Variants in HS3ST4 observed in about 807,000 individuals in gnomAD.
HS3ST4 encodes the protein heparan sulfate glucosamine 3-O-sulfotransferase 4.
A neutral mutation model predicts 29.2 loss-of-function variants in HS3ST4; 17 were observed. The ratio of observed to expected loss-of-function variants is 0.58; its 90% CI spans 0.40 to 0.87. HS3ST4 has a LOEUF of 0.87. Ranked by LOEUF, HS3ST4 falls within the 40% of genes least tolerant of loss-of-function variation. HS3ST4 has a pLI of 0.00. For missense variants in HS3ST4, 627 were observed against 634.5 expected, an observed-to-expected ratio of 0.99 and a Z score of 0.13; for synonymous variants, 314 against 285.7, an observed-to-expected ratio of 1.10 and a Z score of -1.00.
intron 1 of HS3ST4, among the ~76,000 whole-genome samples, chr16:25,740,981 A>G (rs1187865454): frequency 2.0e-5 from 3 of 152,124 alleles, no homozygotes. Flanking sequence ...ATAGATTTTT[A>G]GTTTCTGTCT....
intron 1 of HS3ST4, among the ~76,000 whole-genome samples, chr16:26,078,882 G>C (rs1417383046): frequency 6.6e-6 from 1 of 152,196 alleles, no homozygotes; most frequent in Non-Finnish European, 1.5e-5. Context: ...ACAGTTGAGA[G>C]CCCAAGCAAT....
At chr16:25,803,741 A>G (rs1021235890) in intron 1 of HS3ST4, among the ~76,000 whole-genome samples, 1 of 152,170 alleles carries the variant, frequency 6.6e-6, no homozygotes, top group African/African-American at 2.4e-5. Flanking sequence ...TCAAAAGGAC[A>G]TGCTTTGTTT....
At chr16:25,717,202 C>T (rs964487233) in intron 1 of HS3ST4, among the ~76,000 whole-genome samples, 4 of 152,096 alleles carry the variant, frequency 2.6e-5, no homozygotes, top group Admixed American at 1.3e-4. Context: ...AGAAATTATT[C>T]GGACATGAAT....
chr16:25,855,587 A>G (rs570792906), intron 1 of HS3ST4, among the ~76,000 whole-genome samples: 2 of 152,300 alleles, frequency 1.3e-5, no homozygotes, highest in African/African-American at 2.4e-5. Flanking sequence ...TCAGTCTTAT[A>G]ATCACTATTT....
At chr16:25,828,294 TTCTTTCCCTCTCTC>T (rs1247939570) in intron 1 of HS3ST4, among the ~76,000 whole-genome samples, 1 of 45,058 alleles carries the variant, frequency 2.2e-5, no homozygotes, top group South Asian at 9.1e-4. Flanking sequence ...CTTTCTTTCT[TTCTTTCCCTCTCTC>T]TCTCTCTCTC....
intron 1 of HS3ST4, among the ~76,000 whole-genome samples, chr16:26,011,404 A>C: frequency 1.3e-5 from 2 of 151,660 alleles, no homozygotes; most frequent in Non-Finnish European, 1.5e-5. Context: ...TACTAAAAAT[A>C]CACAAATTAG....
chr16:26,113,063 T>G (rs995658182), intron 1 of HS3ST4, among the ~76,000 whole-genome samples: 7 of 151,860 alleles, frequency 4.6e-5, no homozygotes, highest in Non-Finnish European at 1.0e-4. Context: ...ATCAGAAAAA[T>G]GAGTAAGTAG....
intron 1 of HS3ST4, among the ~76,000 whole-genome samples, chr16:25,742,456 G>A (rs1204038814): frequency 6.6e-6 from 1 of 152,198 alleles, no homozygotes; most frequent in East Asian, 1.9e-4. Flanking sequence ...CTATCAGCCA[G>A]GTCAGAAACA....
At chr16:25,760,713 C>T (rs574125705) in intron 1 of HS3ST4, among the ~76,000 whole-genome samples, 14 of 152,252 alleles carry the variant, frequency 9.2e-5, no homozygotes, top group African/African-American at 1.9e-4. Flanking sequence ...ACCACAGCAC[C>T]GGGCTCTAAT....
At chr16:25,759,197 T>C (rs993247340) in intron 1 of HS3ST4, among the ~76,000 whole-genome samples, 13 of 152,148 alleles carry the variant, frequency 8.5e-5, no homozygotes, top group Admixed American at 7.2e-4. Flanking sequence ...CTCTTTTAAA[T>C]AAAGCAATTT....
chr16:26,050,763 T>C (rs1162823696), intron 1 of HS3ST4, among the ~76,000 whole-genome samples: 1 of 152,124 alleles, frequency 6.6e-6, no homozygotes, highest in Non-Finnish European at 1.5e-5. Flanking sequence ...CGGAGGTGTA[T>C]GAAGGCACTG....
intron 1 of HS3ST4, among the ~76,000 whole-genome samples, chr16:25,764,540 A>G (rs758974945): frequency 2.0e-5 from 3 of 152,192 alleles, no homozygotes; most frequent in African/African-American, 7.2e-5. Flanking sequence ...CAATGCTATC[A>G]TCACTTTTTC....
chr16:25,926,243 A>C (rs1305932797), intron 1 of HS3ST4, among the ~76,000 whole-genome samples: 2 of 152,142 alleles, frequency 1.3e-5, no homozygotes, highest in African/African-American at 4.8e-5. Flanking sequence ...CAAGCCCCAA[A>C]CAACCACTAA....
intron 1 of HS3ST4, among the ~76,000 whole-genome samples, chr16:25,846,705 T>C (rs1179137555): frequency 1.3e-5 from 2 of 152,166 alleles, no homozygotes; most frequent in Non-Finnish European, 2.9e-5. Context: ...AAAAATTTTC[T>C]AATATAGCCA....
chr16:25,692,930 C>A lies in HS3ST4; in HGVS notation c.513C>A (p.Leu171=). The change falls in exon 1 of 2, where the codon CTC becomes CTA. Residue 171 remains leucine (L), a synonymous_variant. Coordinates refer to ENST00000331351, the MANE Select transcript of HS3ST4 (RefSeq NM_006040.3). ...AGTCCAGCACCACCGACGAGGATCT[C>A]GCAGGCCGGAGAGCGGCCAACGGGA... is the stretch of plus-strand genomic sequence containing the variant. The part of the protein sequence containing the change: ...AQESSTTDED[L]AGRRAANGSS... 1.9e-6 allele frequency: 3 copies of A among 1,606,144 alleles called. No individual in the cohort carries two copies. Among genetic ancestry groups the A allele is most frequent in the Non-Finnish European group, 2.5e-6 (3 of 1,177,076 alleles).
chr16:25,820,722 A>G (rs920037513), intron 1 of HS3ST4, among the ~76,000 whole-genome samples: 2 of 152,070 alleles, frequency 1.3e-5, no homozygotes, highest in African/African-American at 2.4e-5. Context: ...AGCAAGCACC[A>G]CCAGACCTGG....
intron 1 of HS3ST4, among the ~76,000 whole-genome samples, chr16:25,903,273 CGTGT>C (rs71385584): frequency 0.079 from 4,612 of 58,346 alleles, 153 homozygotes; most frequent in South Asian, 0.17. Flanking sequence ...GAAGAATATA[CGTGT>C]GTGTGTGTGT....
intron 1 of HS3ST4, among the ~76,000 whole-genome samples, chr16:25,939,081 A>G (rs760548387): frequency 6.6e-6 from 1 of 152,070 alleles, no homozygotes; most frequent in Non-Finnish European, 1.5e-5. Context: ...TTTAACCACT[A>G]TTAATTGTTT....
intron 1 of HS3ST4, among the ~76,000 whole-genome samples, chr16:25,783,035 T>C (rs1450123465): frequency 1.1e-4 from 17 of 152,178 alleles, no homozygotes; most frequent in Non-Finnish European, 1.5e-5. Flanking sequence ...CCTCATTTTG[T>C]TGCTTTCTTT....
Sources: gnomAD v4.1 joint callset for allele counts (sites outside exome capture counted in the v4.1 genomes callset) on GRCh38, gnomAD v4.1.1 for gene constraint, MANE v1.5 for transcripts, NCBI Gene and HGNC (gene_info 2026-07-23, HGNC 2026-07-21) for gene names.